The following TENM2 variants were observed in gnomAD, a reference collection of about 807,000 sequenced individuals.
TENM2 encodes teneurin transmembrane protein 2.
Under a neutral mutation model 245.2 loss-of-function variants are expected in TENM2, and 52 were observed. The ratio of observed to expected loss-of-function variants is 0.21; its 90% CI spans 0.17 to 0.27. TENM2 has a LOEUF of 0.27. Among genes scored for constraint, TENM2 ranks in the 10% least tolerant of loss-of-function variants. The probability of loss-of-function intolerance (pLI) is 1.00; values close to 1 mark genes in which losing one functional copy is unlikely to be tolerated. For synonymous variants in TENM2, 1,363 were observed against 1,438.9 expected (o/e 0.95, Z 1.19); for missense variants, 3,046 against 3,666.8 (o/e 0.83, Z 4.37).
chr5:167,242,047 T>G, the TENM2 span, among the ~76,000 whole-genome samples: 8 of 117,106 alleles, frequency 6.8e-5, no homozygotes, highest in East Asian at 1.2e-3. Context: ...TTGTTTTTTG[T>G]TTTTTTTTTT....
At chr5:167,852,798 AAAAGGAATACAGCCATCCT>A (rs1770705960) in intron 2 of TENM2, among the ~76,000 whole-genome samples, 1 of 152,204 alleles carries the variant, frequency 6.6e-6, no homozygotes, top group Non-Finnish European at 1.5e-5. Context: ...GAATTAGACA[AAAAGGAATACAGCCATCCT>A]AATGTGAGTC....
chr5:168,241,936 C>T (rs1238471225), intron 25 of TENM2, among the ~76,000 whole-genome samples: 4 of 152,136 alleles, frequency 2.6e-5, no homozygotes, highest in African/African-American at 7.2e-5. Context: ...CAATCCTTGG[C>T]TGTATGGATG....
At chr5:167,918,209 C>T (rs918043852) in intron 3 of TENM2, among the ~76,000 whole-genome samples, 1 of 152,132 alleles carries the variant, frequency 6.6e-6, no homozygotes, top group Admixed American at 6.6e-5. Flanking sequence ...GAAAGCTTAG[C>T]GGTTGTGTTG....
chr5:167,801,291 G>T (rs1358439841), intron 2 of TENM2, among the ~76,000 whole-genome samples: 4 of 151,530 alleles, frequency 2.6e-5, no homozygotes, highest in Non-Finnish European at 5.9e-5. Context: ...TTTCTTGGTG[G>T]CTGGTTATGA....
the TENM2 span, among the ~76,000 whole-genome samples, chr5:167,224,880 T>G: frequency 3.9e-5 from 6 of 152,154 alleles, no homozygotes; most frequent in Non-Finnish European, 8.8e-5. Flanking sequence ...ATTTATTTCA[T>G]CAGTGCCTTA....
the TENM2 span, among the ~76,000 whole-genome samples, chr5:167,260,019 T>C: frequency 2.6e-5 from 4 of 152,154 alleles, no homozygotes; most frequent in South Asian, 8.3e-4. Context: ...AATAAACCAG[T>C]GCCAAGACAC....
chr5:167,834,189 C>A (rs1327182661), intron 2 of TENM2, among the ~76,000 whole-genome samples: 1 of 152,156 alleles, frequency 6.6e-6, no homozygotes, highest in Non-Finnish European at 1.5e-5. Context: ...GGTACTTTAC[C>A]TCCTCTGCTT....
At chr5:167,990,097 AT>A (rs1360808306) in intron 4 of TENM2, among the ~76,000 whole-genome samples, 6 of 152,226 alleles carry the variant, frequency 3.9e-5, no homozygotes, top group African/African-American at 1.4e-4. Flanking sequence ...TTTTCATTTG[AT>A]TTCCTATTTT....
Position 167,934,078 on chromosome 5 carries a change from G to A in TENM2, c.713-18510G>A, listed in dbSNP as rs1360132423. On this transcript the variant is annotated intron_variant, in intron 3 of 28. Transcript: ENST00000518659. ...CTTATAGGAGGTGGTACTTGATCTGGAATTATCAAACCAATTTTAGAAATC... is the reference window on the plus strand; with the variant it reads ...CTTATAGGAGGTGGTACTTGATCTGAAATTATCAAACCAATTTTAGAAATC... 2.0e-5 allele frequency among the ~76,000 whole-genome samples: 3 copies of A among 152,170 alleles called. 1 individual carries two copies. Among genetic ancestry groups the A allele is most frequent in the Non-Finnish European group, 2.9e-5 (2 of 68,042 alleles).
upstream of TENM2, among the ~76,000 whole-genome samples, chr5:167,280,888 T>C (rs1051336092): frequency 6.6e-6 from 1 of 151,986 alleles, no homozygotes; most frequent in African/African-American, 2.4e-5. Flanking sequence ...CCTTGGGTCC[T>C]GAGGCCCCTC....
At chr5:167,620,898 A>C (rs1290754862) in intron 2 of TENM2, among the ~76,000 whole-genome samples, 3 of 152,068 alleles carry the variant, frequency 2.0e-5, no homozygotes, top group African/African-American at 7.2e-5. Context: ...ATAATGTTTC[A>C]ATTTACAACC....
At chr5:167,515,620 C>CATATATATGCATATATATGTAT (rs1770281481) in intron 2 of TENM2, among the ~76,000 whole-genome samples, 2 of 109,392 alleles carry the variant, frequency 1.8e-5, no homozygotes, top group African/African-American at 7.6e-5. Context: ...TATATATATA[C>CATATATATGCATATATATGTAT]ATATATATAC....
At chr5:168,025,684 G>A (rs1355036341) in intron 5 of TENM2, among the ~76,000 whole-genome samples, 6 of 152,168 alleles carry the variant, frequency 3.9e-5, no homozygotes, top group South Asian at 2.1e-4. Context: ...TGTGGTTCAG[G>A]TATGAGATTA....
chr5:167,541,292 A>G (rs1772196282), intron 2 of TENM2, among the ~76,000 whole-genome samples: 1 of 152,164 alleles, frequency 6.6e-6, no homozygotes, highest in Non-Finnish European at 1.5e-5. Context: ...TTTACAATTC[A>G]TAGCTGTCAG....
At chr5:168,202,840 A>G (rs1762044778) in intron 17 of TENM2, among the ~76,000 whole-genome samples, 1 of 152,208 alleles carries the variant, frequency 6.6e-6, no homozygotes, top group Non-Finnish European at 1.5e-5. Context: ...AGGAACAGCA[A>G]TAATAGCAAT....
chr5:168,001,017 T>A (rs1193361632), intron 5 of TENM2, among the ~76,000 whole-genome samples: 6 of 152,188 alleles, frequency 3.9e-5, no homozygotes, highest in Non-Finnish European at 7.3e-5. Context: ...TGACCTGCAC[T>A]GCCCAGCGCT....
chr5:167,437,209 A>G (rs556913931), intron 2 of TENM2, among the ~76,000 whole-genome samples: 1 of 152,146 alleles, frequency 6.6e-6, no homozygotes, highest in Admixed American at 6.5e-5. Context: ...GCCCAAGACC[A>G]TGGGAACCCA....
chr5:167,060,047 T>C, the TENM2 span, among the ~76,000 whole-genome samples: 1 of 152,164 alleles, frequency 6.6e-6, no homozygotes, highest in Non-Finnish European at 1.5e-5. Flanking sequence ...AGAACTTGTT[T>C]TAATTCATAA....
chr5:167,093,132 A>G, the TENM2 span, among the ~76,000 whole-genome samples: 1 of 151,850 alleles, frequency 6.6e-6, no homozygotes, highest in East Asian at 1.9e-4. Flanking sequence ...TCTACGAAAG[A>G]GGATTCATTT....
Sources: allele counts gnomAD v4.1 joint callset (sites outside exome capture counted in the v4.1 genomes callset), GRCh38; gene constraint gnomAD v4.1.1; transcripts MANE v1.5; gene names NCBI Gene and HGNC (gene_info 2026-07-23, HGNC 2026-07-21).